Variants in MBD3 observed in about 807,000 individuals in gnomAD.
The protein encoded by MBD3 is methyl-CpG binding domain protein 3.
In MBD3, 13 loss-of-function variants were observed where a neutral mutation model predicts 31.2. The ratio of observed to expected loss-of-function variants is 0.42; its 90% CI spans 0.27 to 0.66. MBD3 has a LOEUF of 0.66. MBD3 is among the 30% of genes least tolerant of loss of function. The pLI is 0.26. For missense variants in MBD3, 440 were observed against 426.5 expected (o/e 1.03, Z -0.28); for synonymous variants, 223 against 187.4 (o/e 1.19, Z -1.55).
rs2060713176 is a variant in MBD3, at chr19:1,592,827, C to T, written c.-196G>A. On this transcript the variant is annotated 5_prime_UTR_variant, in exon 1 of 7. Transcript: ENST00000434436. ...CCGCCCTTTCGGCCCCCTCCCCGCG[C>T]TCGCCAGCCCCCGCTCGGGGGGCCC... The T allele has an allele frequency of 6.8e-6, 1 of 146,796 alleles. No homozygotes were observed. Among genetic ancestry groups the T allele is most frequent in the South Asian group, 1.8e-4 (1 of 5,468 alleles). 9.1% of individuals were successfully genotyped at this position (146,796 alleles called of 1,614,324 possible).
At position 1,585,079 on chromosome 19, in the gene MBD3, G is replaced by C. The variant is rs543620011; in HGVS notation, c.246C>G (p.Arg82=). 152 of 1,612,438 alleles carry C rather than the reference G, an allele frequency of 9.4e-5. 3 individuals are homozygous for C. In the South Asian group the frequency reaches 1.6e-3, roughly 17 times the overall value. ...SKMNKSRQRV[R]YDSSNQVKGK... ...CCTTGACCTGGTTGGAGGAGTCGTA[G>C]CGCACGCGCTGGCGGCTCTTGTTCA... The change falls in exon 2 of 7, where the codon CGC becomes CGG. Residue 82 remains arginine (R), a synonymous_variant. Transcript: ENST00000434436. The surrounding 1 kb of genome is among the most constrained non-coding windows in gnomAD (Gnocchi z 4.1).
At chr19:1,583,948 G>C (rs2060665264) in intron 3 of MBD3, among the ~76,000 whole-genome samples, 2 of 150,988 alleles carry the variant, frequency 1.3e-5, no homozygotes, top group Non-Finnish European at 3.0e-5. Context: ...CAGCCTCCCG[G>C]GTAGCTGGGA....
chr19:1,575,227 C>A lies in MBD3; in HGVS notation c.*2937G>T, dbSNP rs1387177985. On this transcript the variant is annotated 3_prime_UTR_variant, in exon 7 of 7. Transcript: ENST00000434436. ...GGCGGATCACCTGAGGTTAGGAGTTCCAGACCAGACTGGCCAACATGGTGA... is the reference window on the plus strand; with the variant it reads ...GGCGGATCACCTGAGGTTAGGAGTTACAGACCAGACTGGCCAACATGGTGA... 3 of 430,096 alleles carry A rather than the reference C, an allele frequency of 7.0e-6. No individual in the cohort carries two copies. The highest frequency in any genetic ancestry group is 1.4e-5 in the Non-Finnish European group (3 of 209,454). The allele number at this position is 430,096 out of a possible 1,614,324, so 26.6% of individuals were successfully genotyped here. A position where few individuals can be genotyped will look rare whatever the true frequency, so the allele number is the denominator to read the frequency against.
Position 1,584,823 on chromosome 19 carries a change from C to T in MBD3, c.271-146G>A, listed in dbSNP as rs1035477546. On this transcript the variant is annotated intron_variant, in intron 2 of 6. Transcript: ENST00000434436. ...CAGGACCCCCACGGTCCGGGGAGGC[C>T]GCTCCCGCAGGGTCGGTCCGGCCGG... 7.0e-6 allele frequency: 7 copies of T among 998,056 alleles called. No individual in the cohort carries two copies. The African/African-American group carries it at 8.8e-5, about 13-fold the overall frequency. The allele number at this position is 998,056 out of a possible 1,614,324, so 61.8% of individuals were successfully genotyped here.
chr19:1,578,104 G>A lies in MBD3; in HGVS notation c.*60C>T, dbSNP rs746732617. 4.2e-5 allele frequency: 27 copies of A among 639,476 alleles called. No homozygotes were observed. The highest frequency in any genetic ancestry group is 7.8e-5 in the South Asian group (4 of 51,432). 39.6% of individuals were successfully genotyped at this position (639,476 alleles called of 1,614,324 possible). On this transcript the variant is annotated 3_prime_UTR_variant, in exon 7 of 7. Coordinates refer to ENST00000434436, the MANE Select transcript of MBD3 (RefSeq NM_001281453.2). The surrounding 1 kb of genome is among the most constrained non-coding windows in gnomAD (Gnocchi z 6.1). ...CGCCGAGCCTGGTTCACGTGGGGCCGAGGACCGCGTCTGCAGGCGGCTCCA... is the reference window on the plus strand; with the variant it reads ...CGCCGAGCCTGGTTCACGTGGGGCCAAGGACCGCGTCTGCAGGCGGCTCCA...
chr19:1,585,088 C>T lies in MBD3; in HGVS notation c.237G>A (p.Gln79=). 6.2e-7 allele frequency: 1 copy of T among 1,612,604 alleles called. No individual in the cohort carries two copies. Among genetic ancestry groups the T allele is most frequent in the Non-Finnish European group, 8.5e-7 (1 of 1,179,466 alleles). The change falls in exon 2 of 7, where the codon CAG becomes CAA. Residue 79 remains glutamine, a synonymous_variant. Transcript: ENST00000434436. The surrounding 1 kb of genome is among the most constrained non-coding windows in gnomAD (Gnocchi z 4.1). Reference sequence around the variant, plus strand: ...GGTTGGAGGAGTCGTAGCGCACGCGCTGGCGGCTCTTGTTCATCTTGCTCA... The same window carrying T: ...GGTTGGAGGAGTCGTAGCGCACGCGTTGGCGGCTCTTGTTCATCTTGCTCA... The part of the protein sequence containing the change: ...MLMSKMNKSR[Q]RVRYDSSNQV...
Position 1,575,402 on chromosome 19 carries a change from ACT to A in MBD3, c.*2760_*2761del, listed in dbSNP as rs771198928. The A allele has an allele frequency of 1.2e-5, 4 of 323,792 alleles. No homozygotes were observed. The highest frequency in any genetic ancestry group is 4.5e-5 in the African/African-American group (2 of 44,406). The allele number at this position is 323,792 out of a possible 1,614,324, so 20.1% of individuals were successfully genotyped here. ...GCAACAAGAGCGAAAGAAGAGCGAAACTCTTGTCTAAAAAAAAAAAAAGTCCC... is the reference window on the plus strand; with the variant it reads ...GCAACAAGAGCGAAAGAAGAGCGAAACTTGTCTAAAAAAAAAAAAAGTCCC... On this transcript the variant is annotated 3_prime_UTR_variant, in exon 7 of 7. Coordinates refer to ENST00000434436, the MANE Select transcript of MBD3 (RefSeq NM_001281453.2).
chr19:1,577,992 C>A lies in MBD3; in HGVS notation c.*172G>T. The A allele has an allele frequency of 2.3e-6, 1 of 427,718 alleles. No individual in the cohort carries two copies. Among genetic ancestry groups the A allele is most frequent in the South Asian group, 2.3e-5 (1 of 43,348 alleles). 26.5% of individuals were successfully genotyped at this position (427,718 alleles called of 1,614,324 possible). A position where few individuals can be genotyped will look rare whatever the true frequency, so the allele number is the denominator to read the frequency against. ...GGGTGGGGGCAGCCCCAGCTGTGTG[C>A]CCCGAGGCCCCGGGAAGTGGGGACG... is the stretch of plus-strand genomic sequence containing the variant. On this transcript the variant is annotated 3_prime_UTR_variant, in exon 7 of 7. Coordinates refer to ENST00000434436, the MANE Select transcript of MBD3 (RefSeq NM_001281453.2).
chr19:1,588,886 C>T (rs2060691424), intron 1 of MBD3, among the ~76,000 whole-genome samples: 1 of 151,502 alleles, frequency 6.6e-6, no homozygotes, highest in Non-Finnish European at 1.5e-5. Flanking sequence ...GGTAAATGGG[C>T]CTGGGGTTCT....
In MBD3 at chr19:1,592,529, A is replaced by C; in HGVS notation, c.103T>G (p.Tyr35Asp). 7.0e-7 allele frequency: 1 copy of C among 1,424,818 alleles called. No homozygotes were observed. 88.3% of individuals were successfully genotyped at this position (1,424,818 alleles called of 1,614,324 possible). The change falls in exon 1 of 7, where the codon TAC (tyrosine) becomes GAC (aspartate). Residue 35 changes from tyrosine to aspartate, a missense_variant. Tyr to Asp is a radical substitution (Grantham distance 160). Around this residue, in one of 3 missense-constraint regions of MBD3, gnomAD observed 179 missense variants for 134.7 expected, o/e 1.33. Transcript: ENST00000434436. ...GLSAGHRDVF[Y>D]YSPSGKKFRS... ...GCCGGCGCGCTCATTCACCTATAGTAAAAGACATCCCTGTGGCCGGCCGAC... is the reference window on the plus strand; with the variant it reads ...GCCGGCGCGCTCATTCACCTATAGTCAAAGACATCCCTGTGGCCGGCCGAC...
chr19:1,581,926 C>A (rs1042508310), intron 4 of MBD3, among the ~76,000 whole-genome samples: 41 of 152,184 alleles, frequency 2.7e-4, no homozygotes, highest in South Asian at 1.7e-3. Context: ...CGCCACTACA[C>A]CCGGCTAATT....
At chr19:1,592,430 A>T in intron 1 of MBD3, 92 bp downstream of exon 1, 3 of 377,068 alleles carry the variant, frequency 8.0e-6, no homozygotes, top group Non-Finnish European at 1.2e-5. Flanking sequence ...CGCGGGGCCC[A>T]GGCCGCGGCC....
At chr19:1,579,172 A>C (rs1337912897) in intron 5 of MBD3, among the ~76,000 whole-genome samples, 2 of 126,532 alleles carry the variant, frequency 1.6e-5, no homozygotes, top group Non-Finnish European at 3.2e-5. Flanking sequence ...CAACAGAGCC[A>C]GATTCTGCCA....
chr19:1,574,952 C>A lies in MBD3; in HGVS notation c.*3212G>T. 1 of 328,318 alleles carries A rather than the reference C, an allele frequency of 3.0e-6. No individual in the cohort carries two copies. The highest frequency in any genetic ancestry group is 2.2e-5 in the South Asian group (1 of 44,454). The allele number at this position is 328,318 out of a possible 1,614,324, so 20.3% of individuals were successfully genotyped here. On this transcript the variant is annotated 3_prime_UTR_variant, in exon 7 of 7. Coordinates refer to ENST00000434436, the MANE Select transcript of MBD3 (RefSeq NM_001281453.2). ...GGGTGTGGCAGGAGAGGCATGATGCCCCTTAGCTGGTGTTGCTGAGACTCG... is the reference window on the plus strand; with the variant it reads ...GGGTGTGGCAGGAGAGGCATGATGCACCTTAGCTGGTGTTGCTGAGACTCG...
At chr19:1,586,409 G>C (rs537337341) in intron 1 of MBD3, 1 of 152,460 alleles carries the variant, frequency 6.6e-6, no homozygotes, top group Admixed American at 6.5e-5. Context: ...CCATTTCTAA[G>C]AAATGTCTAG....
At chr19:1,581,375 TGGAA>T in intron 4 of MBD3, 106 bp from the exon 5 acceptor site, 4 of 1,149,692 alleles carry the variant, frequency 3.5e-6, no homozygotes, top group Non-Finnish European at 5.0e-6. Flanking sequence ...GCCACCTTCT[TGGAA>T]GGAACCCCAA....
rs2145588911 is a variant in MBD3, at chr19:1,577,509, G to C, written c.*655C>G. The C allele has an allele frequency of 6.6e-6, 1 of 152,404 alleles. No individual in the cohort carries two copies. The highest frequency in any genetic ancestry group is 2.1e-4 in the South Asian group (1 of 4,828). 9.4% of individuals were successfully genotyped at this position (152,404 alleles called of 1,614,324 possible). A position where few individuals can be genotyped will look rare whatever the true frequency, so the allele number is the denominator to read the frequency against. On this transcript the variant is annotated 3_prime_UTR_variant, in exon 7 of 7. Transcript: ENST00000434436. ...TCCCGACTGGCAGCGGCTGGAGTTTGGTTTTCAGAAGCGAAGGCTGGCGTT... is the reference window on the plus strand; with the variant it reads ...TCCCGACTGGCAGCGGCTGGAGTTTCGTTTTCAGAAGCGAAGGCTGGCGTT...
intron 1 of MBD3, among the ~76,000 whole-genome samples, chr19:1,589,188 G>A (rs1398351984): frequency 6.7e-6 from 1 of 150,086 alleles, no homozygotes; most frequent in African/African-American, 2.5e-5. Context: ...AAAAGTAGCC[G>A]GGCGTGGTGG....
chr19:1,592,660 G>GCCC lies in MBD3; in HGVS notation c.-32_-30dup. The GCCC allele has an allele frequency of 9.8e-7, 1 of 1,015,414 alleles. No homozygotes were observed. Among genetic ancestry groups the GCCC allele is most frequent in the Non-Finnish European group, 1.3e-6 (1 of 793,756 alleles). The allele number at this position is 1,015,414 out of a possible 1,614,324, so 62.9% of individuals were successfully genotyped here. On this transcript the variant is annotated 5_prime_UTR_variant, in exon 1 of 7. Coordinates refer to ENST00000434436, the MANE Select transcript of MBD3 (RefSeq NM_001281453.2). ...GCCCGGCTCCTCGGCCCGCCGCCGG[G>GCCC]CCCGCCGCCGCCGCCCGGACCCCCA...
Sources: allele counts gnomAD v4.1 joint callset (sites outside exome capture counted in the v4.1 genomes callset), GRCh38; gene constraint gnomAD v4.1.1; regional missense constraint gnomAD v4.1.1; non-coding constraint Gnocchi (gnomAD v3.1); transcripts MANE v1.5; gene names NCBI Gene and HGNC (gene_info 2026-07-23, HGNC 2026-07-21).